NALCN: variants seen among roughly 807,000 people sequenced by gnomAD.
The protein encoded by NALCN is sodium leak channel NALCN.
Under a neutral mutation model 225.3 loss-of-function variants are expected in NALCN, and 111 were observed. The observed-to-expected ratio is 0.49, with a 90% confidence interval of 0.42 to 0.58. NALCN has a LOEUF of 0.58. Ranked by LOEUF, NALCN falls within the 20% of genes least tolerant of loss-of-function variation. NALCN has a pLI of 0.00. For synonymous variants in NALCN, 764 were observed against 769.0 expected, an observed-to-expected ratio of 0.99 and a Z score of 0.11; for missense variants, 1,378 against 2,202.4, an observed-to-expected ratio of 0.63 and a Z score of 7.49.
chr13:101,397,655 G>A (rs2047353762), intron 2 of NALCN, among the ~76,000 whole-genome samples: 1 of 150,840 alleles, frequency 6.6e-6, no homozygotes, highest in African/African-American at 2.4e-5. Flanking sequence ...TATATAACAT[G>A]TATATATACC....
intron 7 of NALCN, among the ~76,000 whole-genome samples, chr13:101,343,753 C>G (rs2045630358): frequency 6.6e-6 from 1 of 152,170 alleles, no homozygotes; most frequent in Non-Finnish European, 1.5e-5. Context: ...TACAAGGAGA[C>G]TTTTTCTCTC....
intron 7 of NALCN, among the ~76,000 whole-genome samples, chr13:101,336,388 AT>A (rs1287847346): frequency 1.3e-5 from 2 of 152,202 alleles, no homozygotes; most frequent in Non-Finnish European, 1.5e-5. Flanking sequence ...CCAGTCCCAA[AT>A]TTCAATACTC....
At chr13:101,208,312 A>G (rs940049697) in intron 13 of NALCN, among the ~76,000 whole-genome samples, 2 of 152,174 alleles carry the variant, frequency 1.3e-5, no homozygotes, top group Admixed American at 1.3e-4. Context: ...GAGACCAGGA[A>G]CCCACCAGAA....
At chr13:101,347,896 A>G (rs918987493) in intron 6 of NALCN, among the ~76,000 whole-genome samples, 2 of 152,182 alleles carry the variant, frequency 1.3e-5, no homozygotes, top group Non-Finnish European at 2.9e-5. Context: ...CATTACAATA[A>G]TACAATGTAG....
intron 37 of NALCN, among the ~76,000 whole-genome samples, chr13:101,070,498 A>G (rs186445526): frequency 1.4e-4 from 21 of 152,352 alleles, no homozygotes; most frequent in Admixed American, 1.2e-3. Context: ...CTGAAATAAT[A>G]AGACTTGAAA....
intron 34 of NALCN, among the ~76,000 whole-genome samples, chr13:101,079,658 A>C (rs1177881885): frequency 1.3e-5 from 2 of 152,182 alleles, no homozygotes; most frequent in African/African-American, 4.8e-5. Context: ...CTTTTCTAGG[A>C]TATAAGGTTC....
intron 13 of NALCN, among the ~76,000 whole-genome samples, chr13:101,206,515 T>C (rs1360275172): frequency 6.6e-6 from 1 of 151,988 alleles, no homozygotes; most frequent in African/African-American, 2.4e-5. Context: ...TCCGTGTGTG[T>C]GTGTATTTTC....
intron 14 of NALCN, among the ~76,000 whole-genome samples, chr13:101,182,304 A>G (rs539710097): frequency 6.6e-5 from 10 of 152,246 alleles, no homozygotes; most frequent in African/African-American, 9.6e-5. Context: ...GATGCATTTG[A>G]TATTTGCTGT....
intron 14 of NALCN, among the ~76,000 whole-genome samples, chr13:101,190,307 A>C (rs1213526988): frequency 6.6e-6 from 1 of 152,234 alleles, no homozygotes; most frequent in East Asian, 1.9e-4. Flanking sequence ...CACAATCAAC[A>C]GTCTGAGCAA....
At chr13:101,351,834 C>T (rs547743461) in intron 6 of NALCN, among the ~76,000 whole-genome samples, 12 of 152,292 alleles carry the variant, frequency 7.9e-5, no homozygotes, top group Admixed American at 1.3e-4. Context: ...GACTCACCAA[C>T]GACAAAGGCA....
chr13:101,071,978 G>A (rs2032921836), intron 37 of NALCN, among the ~76,000 whole-genome samples: 1 of 152,144 alleles, frequency 6.6e-6, no homozygotes, highest in East Asian at 1.9e-4. Context: ...CAAGAAAAGA[G>A]AGAAGAGTTG....
chr13:101,126,964 C>T (rs2036264406), intron 17 of NALCN, among the ~76,000 whole-genome samples: 1 of 152,156 alleles, frequency 6.6e-6, no homozygotes, highest in South Asian at 2.1e-4. Context: ...CAGACCCAGG[C>T]ACAGAGGTCC....
intron 15 of NALCN, among the ~76,000 whole-genome samples, chr13:101,161,718 A>G (rs533449450): frequency 3.7e-4 from 56 of 152,304 alleles, no homozygotes; most frequent in Admixed American, 5.9e-4. Context: ...CTAAAAATAT[A>G]AAAATTAGCC....
chr13:101,097,314 C>G (rs535522800), intron 27 of NALCN, among the ~76,000 whole-genome samples: 2 of 152,228 alleles, frequency 1.3e-5, no homozygotes, highest in Non-Finnish European at 2.9e-5. Context: ...TATATTCTTC[C>G]ATCGCCCACT....
chr13:101,311,167 T>C (rs1303029712), intron 7 of NALCN, among the ~76,000 whole-genome samples: 1 of 151,022 alleles, frequency 6.6e-6, no homozygotes, highest in Non-Finnish European at 1.5e-5. Flanking sequence ...TGTTTGTCTG[T>C]TATTGGTGTA....
chr13:101,416,688 G>T (rs1016686267), upstream of NALCN, among the ~76,000 whole-genome samples: 5 of 152,228 alleles, frequency 3.3e-5, no homozygotes, highest in Admixed American at 3.3e-4. Context: ...CGCCAGGGTC[G>T]GTACTGGCAG....
At chr13:101,391,269 G>A (rs536303144) in intron 3 of NALCN, among the ~76,000 whole-genome samples, 1 of 151,844 alleles carries the variant, frequency 6.6e-6, no homozygotes, top group Admixed American at 6.6e-5. Flanking sequence ...TCAAACAGAG[G>A]AAAGAAAAGC....
At chr13:101,155,263 T>G (rs1048100475) in intron 15 of NALCN, among the ~76,000 whole-genome samples, 2 of 152,146 alleles carry the variant, frequency 1.3e-5, no homozygotes, top group African/African-American at 2.4e-5. Flanking sequence ...ACTAAAGAAG[T>G]TATTGGGAAT....
chr13:101,095,766 T>C (rs892516320), intron 27 of NALCN, 86 bp from the exon 28 acceptor site: 1 of 1,143,534 alleles, frequency 8.7e-7, no homozygotes, highest in African/African-American at 1.6e-5. Context: ...CTTTCTTCTT[T>C]CACGGAATCC....
Sources: gnomAD v4.1 joint callset for allele counts (sites outside exome capture counted in the v4.1 genomes callset) on GRCh38, gnomAD v4.1.1 for gene constraint, MANE v1.5 for transcripts, NCBI Gene and HGNC (gene_info 2026-07-23, HGNC 2026-07-21) for gene names.